Variants in FAM3C observed in about 807,000 individuals in gnomAD.
FAM3C encodes the protein FAM3 metabolism regulating signaling molecule C, also known as protein FAM3C.
Under a neutral mutation model 32.5 loss-of-function variants are expected in FAM3C, and 15 were observed. The ratio of observed to expected loss-of-function variants is 0.46; its 90% CI spans 0.31 to 0.71. The LOEUF (loss-of-function observed/expected upper bound fraction) is 0.71. Ranked by LOEUF, FAM3C falls within the 30% of genes least tolerant of loss-of-function variation. The pLI is 0.05. For missense variants in FAM3C, 175 were observed against 274.4 expected, an observed-to-expected ratio of 0.64 and a Z score of 2.56; for synonymous variants, 75 against 86.1, an observed-to-expected ratio of 0.87 and a Z score of 0.72.
intron 1 of FAM3C, among the ~76,000 whole-genome samples, chr7:121,389,606 G>A (rs1794536800): frequency 6.6e-6 from 1 of 152,028 alleles, no homozygotes. Flanking sequence ...GGCAGCCAGA[G>A]TTCAGGTTTA....
chr7:121,392,299 T>C (rs778439549), intron 1 of FAM3C, among the ~76,000 whole-genome samples: 89 of 152,248 alleles, frequency 5.8e-4, no homozygotes, highest in Admixed American at 1.2e-3. Context: ...CAGTCCCACA[T>C]GGCTGGGGAG....
intron 4 of FAM3C, 130 bp downstream of exon 4, chr7:121,371,980 C>G: frequency 3.2e-6 from 2 of 630,218 alleles, no homozygotes; most frequent in Non-Finnish European, 5.5e-6. Flanking sequence ...CAAATAGCAT[C>G]CTCATAACTT....
chr7:121,393,080 T>C (rs139221655), intron 1 of FAM3C, among the ~76,000 whole-genome samples: 1 of 152,156 alleles, frequency 6.6e-6, no homozygotes, highest in African/African-American at 2.4e-5. Flanking sequence ...TTAATGAATA[T>C]GGGGTTTCCT....
At chr7:121,368,972 G>GTTTTTTTTTT (rs563834740) in intron 5 of FAM3C, among the ~76,000 whole-genome samples, 2 of 96,198 alleles carry the variant, frequency 2.1e-5, no homozygotes, top group Admixed American at 1.3e-4. Context: ...TGTTGTTGTT[G>GTTTTTTTTTT]TTTTTTTTTT....
chr7:121,377,792 G>A (rs1248053942), intron 3 of FAM3C, among the ~76,000 whole-genome samples: 1 of 152,190 alleles, frequency 6.6e-6, no homozygotes, highest in Non-Finnish European at 1.5e-5. Flanking sequence ...ATTCAGTACA[G>A]TAACATGCTA....
At chr7:121,392,331 T>C (rs956797216) in intron 1 of FAM3C, among the ~76,000 whole-genome samples, 1 of 152,020 alleles carries the variant, frequency 6.6e-6, no homozygotes, top group South Asian at 2.1e-4. Context: ...CTTACAATCA[T>C]GGAGGAAGGC....
At chr7:121,389,753 G>T (rs1256018801) in intron 1 of FAM3C, among the ~76,000 whole-genome samples, 1 of 149,990 alleles carries the variant, frequency 6.7e-6, no homozygotes, top group Non-Finnish European at 1.5e-5. Context: ...CTCTCTAACA[G>T]GAAAGTGGCA....
In FAM3C at chr7:121,382,949, T is replaced by C; in HGVS notation, c.13+8A>G. The stretch of plus-strand genomic sequence containing the variant: ...GTACAATTACTTCTACTAAATTAAA[T>C]ATCTTACCTGCTACCCTCATGTTTG... On this transcript the variant is annotated splice_region_variant and intron_variant, in intron 2 of 9. Coordinates refer to ENST00000359943, the MANE Select transcript of FAM3C (RefSeq NM_014888.3). The C allele has an allele frequency of 6.3e-7, 1 of 1,596,078 alleles. No individual in the cohort carries two copies. The highest frequency in any genetic ancestry group is 8.6e-7 in the Non-Finnish European group (1 of 1,167,026).
chr7:121,393,175 T>C (rs1335488416), intron 1 of FAM3C, among the ~76,000 whole-genome samples: 2 of 152,178 alleles, frequency 1.3e-5, no homozygotes, highest in Admixed American at 6.5e-5. Flanking sequence ...ATGGAAAATC[T>C]GGCTAGGCAT....
intron 1 of FAM3C, among the ~76,000 whole-genome samples, chr7:121,391,498 T>A (rs563006036): frequency 1.3e-5 from 2 of 152,346 alleles, no homozygotes; most frequent in South Asian, 4.1e-4. Context: ...TTACATACAG[T>A]AGAACTGCTA....
chr7:121,356,443 T>G (rs1793811206), intron 8 of FAM3C, among the ~76,000 whole-genome samples: 1 of 152,142 alleles, frequency 6.6e-6, no homozygotes. Flanking sequence ...ATCAAATGAT[T>G]TGGGGAATAC....
chr7:121,364,442 C>A (rs757935579), intron 5 of FAM3C: 9 of 387,614 alleles, frequency 2.3e-5, no homozygotes, highest in Non-Finnish European at 4.1e-5. Flanking sequence ...AAATAATAGA[C>A]CATTTTTGTG....
chr7:121,380,733 TTATA>T (rs66579763), intron 2 of FAM3C, among the ~76,000 whole-genome samples: 67 of 133,998 alleles, frequency 5.0e-4, no homozygotes, highest in African/African-American at 1.4e-3. Context: ...TACAAACATT[TTATA>T]TATATATATA....
chr7:121,356,316 A>C (rs1456391919), intron 8 of FAM3C, among the ~76,000 whole-genome samples: 1 of 152,212 alleles, frequency 6.6e-6, no homozygotes, highest in African/African-American at 2.4e-5. Flanking sequence ...AAATATAGCC[A>C]GGAAGATGAA....
intron 8 of FAM3C, among the ~76,000 whole-genome samples, 178 bp downstream of exon 8, chr7:121,359,865 G>A (rs1277913381): frequency 6.6e-6 from 1 of 151,986 alleles, no homozygotes; most frequent in Non-Finnish European, 1.5e-5. Flanking sequence ...CAATATATGT[G>A]TGATAAACAT....
chr7:121,355,908 G>A (rs556002168), intron 8 of FAM3C, among the ~76,000 whole-genome samples: 1 of 152,134 alleles, frequency 6.6e-6, no homozygotes, highest in African/African-American at 2.4e-5. Flanking sequence ...ACGAATGTCA[G>A]AATCAAGACC....
chr7:121,369,449 G>A (rs2116911820), intron 5 of FAM3C, among the ~76,000 whole-genome samples: 2 of 152,274 alleles, frequency 1.3e-5, no homozygotes, highest in Non-Finnish European at 2.9e-5. Flanking sequence ...TGAGGCTTGG[G>A]TATAAAATCC....
intron 2 of FAM3C, among the ~76,000 whole-genome samples, chr7:121,380,756 T>TATATATATATATATATATAA (rs1794333702): frequency 6.7e-6 from 1 of 149,786 alleles, no homozygotes; most frequent in Non-Finnish European, 1.5e-5. Context: ...TATATATATA[T>TATATATATATATATATATAA]GACACTCACA....
intron 1 of FAM3C, among the ~76,000 whole-genome samples, chr7:121,386,015 A>G (rs1342186264): frequency 6.6e-6 from 1 of 152,154 alleles, no homozygotes; most frequent in Non-Finnish European, 1.5e-5. Flanking sequence ...ACACACTCTA[A>G]TATAAGAGGC....
Sources: allele counts gnomAD v4.1 joint callset (sites outside exome capture counted in the v4.1 genomes callset), GRCh38; gene constraint gnomAD v4.1.1; transcripts MANE v1.5; gene names NCBI Gene and HGNC (gene_info 2026-07-23, HGNC 2026-07-21).